ASTN2: variants seen among roughly 807,000 people sequenced by gnomAD.
ASTN2 encodes astrotactin-2.
ASTN2 carries 54 observed loss-of-function variants against 139.8 expected under a neutral mutation model. The ratio of observed to expected loss-of-function variants is 0.39; its 90% confidence interval spans 0.31 to 0.48. The LOEUF is 0.48. ASTN2 is among the 20% of genes least tolerant of loss of function. The pLI, the probability that ASTN2 is intolerant of heterozygous loss-of-function variation, is 0.95. For synonymous variants in ASTN2, 756 were observed against 719.5 expected, an observed-to-expected ratio of 1.05 and a Z score of -0.81; for missense variants, 1,565 against 1,725.1, an observed-to-expected ratio of 0.91 and a Z score of 1.64.
intron 16 of ASTN2, among the ~76,000 whole-genome samples, chr9:116,671,596 C>T (rs1859198984): frequency 6.6e-6 from 1 of 152,094 alleles, no homozygotes; most frequent in South Asian, 2.1e-4. Flanking sequence ...TACTTGCTCC[C>T]AAGCAACAGA....
chr9:116,686,177 A>C (rs1860195523), intron 16 of ASTN2, among the ~76,000 whole-genome samples: 1 of 152,196 alleles, frequency 6.6e-6, no homozygotes, highest in Non-Finnish European at 1.5e-5. Flanking sequence ...CAAGGTTAAG[A>C]GAGTGGGTTC....
At chr9:116,513,021 G>C (rs1458248449) in intron 19 of ASTN2, among the ~76,000 whole-genome samples, 4 of 152,180 alleles carry the variant, frequency 2.6e-5, no homozygotes, top group African/African-American at 9.7e-5. Flanking sequence ...ATATTGTTAT[G>C]TGTGAGTTTG....
intron 5 of ASTN2, among the ~76,000 whole-genome samples, chr9:117,064,107 C>T (rs865786389): frequency 2.3e-4 from 35 of 151,896 alleles, no homozygotes; most frequent in African/African-American, 7.5e-4. Flanking sequence ...TACAATAAAC[C>T]GGTGTTTCCA....
chr9:117,110,903 G>A lies in ASTN2; in HGVS notation c.1169-14752C>T, dbSNP rs528319633. The stretch of plus-strand genomic sequence containing the variant: ...CAGCAGAGAGTGAGGGAAGAATCAA[G>A]AAAAGGAGAGACTCAGAGAAGGGGA... On this transcript the variant is annotated intron_variant, in intron 4 of 22. Coordinates refer to ENST00000313400, the MANE Select transcript of ASTN2 (RefSeq NM_001365068.1). 6.6e-5 allele frequency among the ~76,000 whole-genome samples: 10 copies of A among 152,292 alleles called. No homozygotes were observed. In the South Asian group the frequency reaches 2.1e-3, roughly 32 times the overall value.
intron 2 of ASTN2, among the ~76,000 whole-genome samples, chr9:117,221,975 C>A (rs146239491): frequency 1.3e-5 from 2 of 152,098 alleles, no homozygotes; most frequent in Non-Finnish European, 2.9e-5. Flanking sequence ...GCTAAGGAAA[C>A]GTGAATTGTG....
intron 10 of ASTN2, among the ~76,000 whole-genome samples, chr9:116,865,860 C>T (rs1332877702): frequency 6.6e-6 from 1 of 152,146 alleles, no homozygotes; most frequent in Non-Finnish European, 1.5e-5. Context: ...TTTGAAAACT[C>T]TTCATATTCA....
At position 117,016,680 on chromosome 9, in the gene ASTN2, ATAGGT is replaced by A. The variant is rs1476426846; in HGVS notation, c.1424-8426_1424-8422del. 4.9e-4 allele frequency among the ~76,000 whole-genome samples: 66 copies of A among 134,680 alleles called. 2 individuals carry two copies. The highest frequency in any genetic ancestry group is 1.9e-3 in the African/African-American group (64 of 32,926). 88.4% of individuals were successfully genotyped at this position (134,680 alleles called of 152,430 possible). A position where few individuals can be genotyped will look rare whatever the true frequency, so the allele number is the denominator to read the frequency against. ...TAACCTATATATATGTTACATATAT[ATAGGT>A]TATATATATATGTTACATATATATA... On this transcript the variant is annotated intron_variant, in intron 6 of 22. Coordinates refer to ENST00000313400, the MANE Select transcript of ASTN2 (RefSeq NM_001365068.1).
intron 19 of ASTN2, among the ~76,000 whole-genome samples, chr9:116,537,431 A>C (rs1254820211): frequency 2.6e-5 from 4 of 152,218 alleles, no homozygotes; most frequent in Non-Finnish European, 5.9e-5. Flanking sequence ...TATTTCTGAC[A>C]ATTACAGATT....
chr9:117,071,998 C>T (rs938938033), intron 5 of ASTN2, among the ~76,000 whole-genome samples: 9 of 152,146 alleles, frequency 5.9e-5, no homozygotes, highest in East Asian at 1.9e-4. Flanking sequence ...GGAGCTGAGA[C>T]CGGAGCTGTT....
chr9:116,821,450 T>A (rs1295913639), intron 11 of ASTN2, among the ~76,000 whole-genome samples: 3 of 152,118 alleles, frequency 2.0e-5, no homozygotes, highest in Non-Finnish European at 4.4e-5. Context: ...ATTAGTCTCT[T>A]CTTCTCCACC....
At chr9:116,684,228 C>A (rs1194122856) in intron 16 of ASTN2, among the ~76,000 whole-genome samples, 18 of 152,052 alleles carry the variant, frequency 1.2e-4, no homozygotes, top group Admixed American at 1.2e-3. Flanking sequence ...CAAAAAAGAC[C>A]CTAAGTGAAA....
chr9:116,684,443 C>A (rs2132030605), intron 16 of ASTN2, among the ~76,000 whole-genome samples: 1 of 152,170 alleles, frequency 6.6e-6, no homozygotes. Flanking sequence ...TTGACTAAAT[C>A]CTAAATTATT....
At chr9:116,807,533 C>A (rs186593744) in intron 12 of ASTN2, among the ~76,000 whole-genome samples, 1 of 152,194 alleles carries the variant, frequency 6.6e-6, no homozygotes, top group Non-Finnish European at 1.5e-5. Flanking sequence ...TGTCTCAGAG[C>A]CTTGGTAAAG....
At chr9:116,816,239 A>G (rs916247994) in intron 12 of ASTN2, among the ~76,000 whole-genome samples, 10 of 152,334 alleles carry the variant, frequency 6.6e-5, no homozygotes, top group African/African-American at 2.2e-4. Context: ...CACAAAACAG[A>G]CAAACTTTGT....
chr9:117,356,114 G>C (rs1221758746), intron 1 of ASTN2, among the ~76,000 whole-genome samples: 4 of 152,140 alleles, frequency 2.6e-5, no homozygotes. Context: ...TCCCAAGTTA[G>C]TAGAAAGGAA....
At chr9:116,492,107 A>T (rs758420376) in intron 19 of ASTN2, among the ~76,000 whole-genome samples, 21 of 150,840 alleles carry the variant, frequency 1.4e-4, no homozygotes, top group Non-Finnish European at 2.2e-4. Flanking sequence ...TTTGAGAAAA[A>T]GTCTTTCTCT....
intron 16 of ASTN2, among the ~76,000 whole-genome samples, chr9:116,657,575 T>C (rs1461503902): frequency 6.6e-6 from 1 of 152,196 alleles, no homozygotes; most frequent in Non-Finnish European, 1.5e-5. Context: ...ACACGGTGGC[T>C]CACGCCTGTA....
chr9:116,506,893 T>C (rs938108255), intron 19 of ASTN2, among the ~76,000 whole-genome samples: 2 of 152,140 alleles, frequency 1.3e-5, no homozygotes. Flanking sequence ...GACTTGCTTT[T>C]TTACTTTGTG....
intron 10 of ASTN2, among the ~76,000 whole-genome samples, chr9:116,888,402 A>G (rs3849137): frequency 0.22 from 33,616 of 152,222 alleles, 4,424 homozygotes; most frequent in Middle Eastern, 0.3. Context: ...TTATTGAAAC[A>G]GTGTAGATGC....
Sources: allele counts gnomAD v4.1 joint callset (sites outside exome capture counted in the v4.1 genomes callset), GRCh38; gene constraint gnomAD v4.1.1; transcripts MANE v1.5; gene names NCBI Gene and HGNC (gene_info 2026-07-23, HGNC 2026-07-21).